Variants in GABRB3 observed in about 807,000 individuals in gnomAD.
The protein encoded by GABRB3 is gamma-aminobutyric acid receptor subunit beta-3.
Under a neutral mutation model 52.1 loss-of-function variants are expected in GABRB3, and 14 were observed. The ratio of observed to expected loss-of-function variants is 0.27; its 90% CI spans 0.18 to 0.42. GABRB3 has a LOEUF of 0.42. Ranked by LOEUF, GABRB3 falls within the 10% of genes least tolerant of loss-of-function variation. The pLI is 1.00. For missense variants in GABRB3, 307 were observed against 609.1 expected (o/e 0.50, Z 5.22); for synonymous variants, 260 against 232.3 (o/e 1.12, Z -1.08).
intron 4 of GABRB3, among the ~76,000 whole-genome samples, chr15:26,616,782 C>A (rs965332635): frequency 1.2e-4 from 18 of 152,076 alleles, no homozygotes; most frequent in Admixed American, 2.6e-4. Context: ...ACAGACCAAG[C>A]AATTTTTATT....
intron 3 of GABRB3, among the ~76,000 whole-genome samples, chr15:26,703,249 G>A (rs763205357): frequency 3.9e-5 from 6 of 152,120 alleles, no homozygotes; most frequent in African/African-American, 4.8e-5. Flanking sequence ...TTCAGGCACC[G>A]GCACCTGGTG....
intron 6 of GABRB3, among the ~76,000 whole-genome samples, chr15:26,570,783 A>C (rs989103536): frequency 6.6e-6 from 1 of 152,018 alleles, no homozygotes; most frequent in Non-Finnish European, 1.5e-5. Flanking sequence ...CTCCTTCCAA[A>C]TGTAAGTAAT....
intron 3 of GABRB3, among the ~76,000 whole-genome samples, chr15:26,673,069 T>A (rs1178282136): frequency 1.3e-5 from 2 of 152,210 alleles, no homozygotes; most frequent in African/African-American, 4.8e-5. Context: ...TGACCTCCTA[T>A]CGTGTTTTCC....
At position 26,615,823 on chromosome 15, in the gene GABRB3, T is replaced by G. The variant is rs1892232809; in HGVS notation, c.461+5491A>C. 5 of 1,191,412 alleles carry G rather than the reference T, an allele frequency of 4.2e-6. No individual in the cohort carries two copies. In the South Asian group the frequency reaches 6.2e-5, roughly 15 times the overall value. 73.8% of individuals were successfully genotyped at this position (1,191,412 alleles called of 1,614,324 possible). ...TAGACAAGGTGAGAGCCAATCTCAG[T>G]GTCCAGGGGTGAGAGAAATTCAGTC... On this transcript the variant is annotated intron_variant, in intron 4 of 8. Coordinates refer to ENST00000311550, the MANE Select transcript of GABRB3 (RefSeq NM_000814.6).
intron 3 of GABRB3, among the ~76,000 whole-genome samples, chr15:26,722,009 G>GA (rs1259842656): frequency 6.6e-6 from 1 of 152,040 alleles, no homozygotes; most frequent in Non-Finnish European, 1.5e-5. Context: ...ATATTGCTAA[G>GA]AAAAAAGTTT....
intron 3 of GABRB3, among the ~76,000 whole-genome samples, chr15:26,724,983 C>T (rs1010559252): frequency 6.6e-6 from 1 of 152,148 alleles, no homozygotes; most frequent in Admixed American, 6.5e-5. Context: ...TTGACACAGC[C>T]CATGGAGCTC....
At chr15:26,651,219 C>A (rs1459103253) in intron 3 of GABRB3, among the ~76,000 whole-genome samples, 12 of 152,226 alleles carry the variant, frequency 7.9e-5, no homozygotes, top group Non-Finnish European at 1.8e-4. Flanking sequence ...GCAGGCCCCA[C>A]ACAGAGCTTG....
chr15:26,675,041 G>A (rs1329048113), intron 3 of GABRB3, among the ~76,000 whole-genome samples: 1 of 152,112 alleles, frequency 6.6e-6, no homozygotes, highest in Non-Finnish European at 1.5e-5. Flanking sequence ...TCAAGCTAGT[G>A]GGCCTTCCTA....
In GABRB3 at chr15:26,545,288, A is replaced by G. The variant is rs1400536093; in HGVS notation, c.*2505T>C. The G allele has an allele frequency of 6.6e-6, 1 of 152,348 alleles. No homozygotes were observed. The highest frequency in any genetic ancestry group is 1.9e-4 in the East Asian group (1 of 5,176). 9.4% of individuals were successfully genotyped at this position (152,348 alleles called of 1,614,324 possible). ...CATCGCAGTGTCTACAAAGTTGTGG[A>G]TCCCAGTCTTGGTGCCAAATGCATA... On this transcript the variant is annotated 3_prime_UTR_variant, in exon 9 of 9. Transcript: ENST00000311550.
At chr15:26,738,152 G>T (rs369706912) in intron 3 of GABRB3, among the ~76,000 whole-genome samples, 1 of 152,104 alleles carries the variant, frequency 6.6e-6, no homozygotes, top group South Asian at 2.1e-4. Flanking sequence ...GTGTGACCTC[G>T]GCTCACTGCA....
chr15:26,570,154 T>C (rs1310864395), intron 6 of GABRB3, among the ~76,000 whole-genome samples: 1 of 152,226 alleles, frequency 6.6e-6, no homozygotes, highest in Non-Finnish European at 1.5e-5. Flanking sequence ...TGTTTAGCCT[T>C]AGGTAAGTTC....
chr15:26,681,560 A>C (rs1271793643), intron 3 of GABRB3, among the ~76,000 whole-genome samples: 1 of 152,162 alleles, frequency 6.6e-6, no homozygotes. Context: ...GTTGAGATAT[A>C]TATAATTTTC....
At chr15:26,603,904 AGTACT>A (rs1891675140) in intron 4 of GABRB3, among the ~76,000 whole-genome samples, 1 of 152,174 alleles carries the variant, frequency 6.6e-6, no homozygotes, top group Non-Finnish European at 1.5e-5. Context: ...TGTTCAACAT[AGTACT>A]GTAAGTCCTA....
chr15:26,579,773 G>A (rs1303449018), intron 6 of GABRB3, among the ~76,000 whole-genome samples: 4 of 152,208 alleles, frequency 2.6e-5, no homozygotes, highest in African/African-American at 9.6e-5. Context: ...TCTTGGGGCA[G>A]TTGATATAAA....
chr15:26,662,602 C>A (rs996335821), intron 3 of GABRB3, among the ~76,000 whole-genome samples: 1 of 152,190 alleles, frequency 6.6e-6, no homozygotes, highest in Non-Finnish European at 1.5e-5. Flanking sequence ...ACAGGGAGAG[C>A]TTTGGCCTTA....
intron 3 of GABRB3, among the ~76,000 whole-genome samples, chr15:26,757,486 C>T (rs1346103011): frequency 6.6e-6 from 1 of 152,154 alleles, no homozygotes; most frequent in Admixed American, 6.5e-5. Context: ...AAAGCTTGAA[C>T]GGGGGCACTA....
rs1398253433 is a variant in GABRB3 at position 26,606,805 on chromosome 15, T to TAGATAGATATATCGATAG, written c.461+14508_461+14509insCTATCGATATATCTATCT. Reference sequence around the variant, plus strand: ...AGATATATCTATAGATAGATATATCTATAGATAGATAGATAGATAGATAGA... The same window carrying TAGATAGATATATCGATAG: ...AGATATATCTATAGATAGATATATCTAGATAGATATATCGATAGATAGATAGATAGATAGATAGATAGA... On this transcript the variant is annotated intron_variant, in intron 4 of 8. Transcript: ENST00000311550. 3.4e-5 allele frequency among the ~76,000 whole-genome samples: 4 copies of TAGATAGATATATCGATAG among 117,950 alleles called. No homozygotes were observed. The Admixed American group carries it at 3.5e-4, about 10-fold the overall frequency. 77.4% of individuals were successfully genotyped at this position (117,950 alleles called of 152,430 possible).
upstream of GABRB3, among the ~76,000 whole-genome samples, chr15:26,773,476 G>C (rs992438027): frequency 6.6e-6 from 1 of 151,608 alleles, no homozygotes; most frequent in African/African-American, 2.4e-5. Flanking sequence ...CATAAGCGGC[G>C]GCGGAAACGC....
chr15:26,687,786 A>G (rs1888454507), intron 3 of GABRB3, among the ~76,000 whole-genome samples: 1 of 152,208 alleles, frequency 6.6e-6, no homozygotes, highest in African/African-American at 2.4e-5. Context: ...TGCTGACTGA[A>G]AGTTTTAATA....
Sources: gnomAD v4.1 joint callset for allele counts (sites outside exome capture counted in the v4.1 genomes callset) on GRCh38, gnomAD v4.1.1 for gene constraint, MANE v1.5 for transcripts, NCBI Gene and HGNC (gene_info 2026-07-23, HGNC 2026-07-21) for gene names.